The following DOCK10 variants were observed in gnomAD, a reference collection of about 807,000 sequenced individuals.
DOCK10 encodes the protein dedicator of cytokinesis 10.
DOCK10 carries 145 observed loss-of-function variants against 280.1 expected under a neutral mutation model. That is an observed-to-expected ratio of 0.52 (90% CI 0.45 to 0.59). The LOEUF is 0.59. Among genes scored for constraint, DOCK10 ranks in the 20% least tolerant of loss-of-function variants. The pLI, the probability that DOCK10 is intolerant of heterozygous loss-of-function variation, is 0.00. For synonymous variants in DOCK10, 915 were observed against 942.2 expected, an observed-to-expected ratio of 0.97 and a Z score of 0.53; for missense variants, 2,368 against 2,651.7, an observed-to-expected ratio of 0.89 and a Z score of 2.35.
chr2:224,958,587 TC>T (rs755039726), intron 1 of DOCK10, among the ~76,000 whole-genome samples: 2 of 152,056 alleles, frequency 1.3e-5, no homozygotes, highest in Non-Finnish European at 2.9e-5. Context: ...GTTCCAATTA[TC>T]CTATTTCTGT....
At chr2:224,916,568 C>G in intron 3 of DOCK10, 127 bp downstream of exon 3, 1 of 516,970 alleles carries the variant, frequency 1.9e-6, no homozygotes, top group Admixed American at 3.5e-5. Flanking sequence ...AAAAAGACAT[C>G]CACTAGTTAG....
intron 1 of DOCK10, among the ~76,000 whole-genome samples, chr2:224,940,138 C>T (rs1000333156): frequency 3.9e-5 from 6 of 152,128 alleles, no homozygotes; most frequent in East Asian, 1.9e-4. Flanking sequence ...TGGAAGGATG[C>T]AAATGTTGAT....
chr2:224,885,619 A>C, intron 7 of DOCK10, 52 bp downstream of exon 7: 1 of 1,501,432 alleles, frequency 6.7e-7, no homozygotes, highest in Non-Finnish European at 8.9e-7. Flanking sequence ...TTTGTTAAAT[A>C]TACTTTTCAA....
chr2:224,845,441 C>G, intron 20 of DOCK10, 78 bp downstream of exon 20: 7 of 1,552,512 alleles, frequency 4.5e-6, no homozygotes, highest in Non-Finnish European at 6.1e-6. Context: ...TTCAATAAAT[C>G]AGGGCTTTGA....
At position 224,857,656 on chromosome 2, in the gene DOCK10, G is replaced by A. The variant is rs538185047; in HGVS notation, c.1686-674C>T. Among the ~76,000 whole-genome samples the A allele has an allele frequency of 2.0e-5, 3 of 152,122 alleles. No individual in the cohort carries two copies. In the South Asian group the frequency reaches 6.2e-4, roughly 32 times the overall value. On this transcript the variant is annotated intron_variant, in intron 14 of 55. Coordinates refer to ENST00000258390, the MANE Select transcript of DOCK10 (RefSeq NM_014689.3). ...GCTTTTGTCCAAATAATATAGTAAT[G>A]TCAGGCAATACTTGCTTCACATAGG...
chr2:224,885,531 G>T, intron 7 of DOCK10, 140 bp downstream of exon 7: 1 of 802,874 alleles, frequency 1.2e-6, no homozygotes, highest in Non-Finnish European at 1.8e-6. Flanking sequence ...TGAAAGTAGA[G>T]ATCCAGGCTG....
chr2:225,031,610 CCTG>C (rs1339880759), intron 1 of DOCK10, among the ~76,000 whole-genome samples: 1 of 152,146 alleles, frequency 6.6e-6, no homozygotes, highest in Non-Finnish European at 1.5e-5. Context: ...ACGAGAGGTT[CCTG>C]CTGCTTTTTC....
chr2:224,797,230 C>A, intron 42 of DOCK10, 84 bp from the exon 43 acceptor site: 5 of 1,006,950 alleles, frequency 5.0e-6, no homozygotes, highest in Non-Finnish European at 5.4e-6. Flanking sequence ...TTCCCTAAAA[C>A]AAAATCCCTC....
chr2:224,839,642 A>G (rs1028712535), intron 24 of DOCK10, among the ~76,000 whole-genome samples: 11 of 152,248 alleles, frequency 7.2e-5, no homozygotes, highest in Admixed American at 4.6e-4. Flanking sequence ...TGTATGGAAG[A>G]TGTTGCCAGT....
chr2:224,790,535 G>A (rs1692105876), intron 47 of DOCK10, among the ~76,000 whole-genome samples: 1 of 152,042 alleles, frequency 6.6e-6, no homozygotes, highest in Non-Finnish European at 1.5e-5. Flanking sequence ...CATTGGTTAT[G>A]TAACTAAATG....
At chr2:224,791,867 T>C (rs1692219477) in intron 47 of DOCK10, among the ~76,000 whole-genome samples, 1 of 152,210 alleles carries the variant, frequency 6.6e-6, no homozygotes, top group African/African-American at 2.4e-5. Flanking sequence ...TTCTGAAATA[T>C]AGCAAGTAAA....
intron 52 of DOCK10, 35 bp downstream of exon 52, chr2:224,774,869 AG>A: frequency 1.9e-6 from 3 of 1,548,188 alleles, no homozygotes; most frequent in Non-Finnish European, 2.6e-6. Context: ...GTGCTGGAAC[AG>A]GTGCCACATG....
chr2:224,836,446 T>C (rs759335297), intron 25 of DOCK10, among the ~76,000 whole-genome samples: 5 of 152,188 alleles, frequency 3.3e-5, no homozygotes, highest in African/African-American at 1.2e-4. Flanking sequence ...CACATACTCA[T>C]GCTTTGGCAT....
chr2:224,853,247 T>G, intron 16 of DOCK10, 125 bp from the exon 17 acceptor site: 1 of 675,626 alleles, frequency 1.5e-6, no homozygotes, highest in Non-Finnish European at 2.2e-6. Context: ...CAATTGATAT[T>G]AGCTTACGCT....
chr2:224,902,576 TCA>T (rs1395288991), intron 3 of DOCK10, among the ~76,000 whole-genome samples: 1 of 152,150 alleles, frequency 6.6e-6, no homozygotes, highest in Non-Finnish European at 1.5e-5. Context: ...CTGAGACATT[TCA>T]GAGTGAAAAG....
chr2:224,890,926 AAG>A (rs1202833543), intron 4 of DOCK10, among the ~76,000 whole-genome samples: 2 of 152,216 alleles, frequency 1.3e-5, no homozygotes. Flanking sequence ...TTTATATCAA[AAG>A]AGAAAAAATG....
intron 14 of DOCK10, among the ~76,000 whole-genome samples, chr2:224,857,536 G>A (rs939235493): frequency 1.3e-5 from 2 of 152,180 alleles, no homozygotes; most frequent in African/African-American, 2.4e-5. Context: ...TTGTTTTAAA[G>A]AAAGAGAACA....
intron 31 of DOCK10, among the ~76,000 whole-genome samples, chr2:224,809,989 C>CAA (rs376029378): frequency 0.041 from 4,681 of 114,906 alleles, 152 homozygotes; most frequent in African/African-American, 0.062. Flanking sequence ...TATTCAGCCT[C>CAA]AAAAAAAAAA....
chr2:224,877,290 T>C (rs918809669), intron 7 of DOCK10, among the ~76,000 whole-genome samples: 4 of 152,220 alleles, frequency 2.6e-5, no homozygotes, highest in African/African-American at 9.6e-5. Context: ...TTTTGACAAA[T>C]ACATGTCTCC....
Sources: allele counts gnomAD v4.1 joint callset (sites outside exome capture counted in the v4.1 genomes callset), GRCh38; gene constraint gnomAD v4.1.1; transcripts MANE v1.5; gene names NCBI Gene and HGNC (gene_info 2026-07-23, HGNC 2026-07-21).